The following ZNF827 variants were observed in gnomAD, a reference collection of about 807,000 sequenced individuals.
ZNF827 encodes zinc finger protein 827.
In ZNF827, 13 loss-of-function variants were observed where a neutral mutation model predicts 102.4. That is an observed-to-expected ratio of 0.13 (90% CI 0.08 to 0.20). The LOEUF (loss-of-function observed/expected upper bound fraction) is 0.20. Ranked by LOEUF, ZNF827 falls within the 10% of genes least tolerant of loss-of-function variation. ZNF827 has a pLI of 1.00. For missense variants in ZNF827, 1,103 were observed against 1,344.4 expected, an observed-to-expected ratio of 0.82 and a Z score of 2.81; for synonymous variants, 523 against 536.2, an observed-to-expected ratio of 0.98 and a Z score of 0.34.
chr4:145,919,202 G>A (rs1368138668), intron 1 of ZNF827, among the ~76,000 whole-genome samples: 1 of 152,166 alleles, frequency 6.6e-6, no homozygotes, highest in African/African-American at 2.4e-5. Flanking sequence ...TGCAGCTGAT[G>A]ATCACACAAC....
chr4:145,861,023 C>T (rs1188877047), intron 5 of ZNF827, among the ~76,000 whole-genome samples: 17 of 152,224 alleles, frequency 1.1e-4, no homozygotes, highest in Admixed American at 1.1e-3. Flanking sequence ...CAGTAGAGCC[C>T]TTGCCCAGTG....
chr4:145,774,373 G>T, intron 11 of ZNF827, 133 bp downstream of exon 11: 1 of 995,320 alleles, frequency 1.0e-6, no homozygotes, highest in Non-Finnish European at 1.5e-6. Context: ...TTCATGCCTT[G>T]GGAAAGTCCT....
chr4:145,827,990 T>G (rs919037594), intron 7 of ZNF827, among the ~76,000 whole-genome samples: 7 of 151,966 alleles, frequency 4.6e-5, no homozygotes, highest in Non-Finnish European at 1.0e-4. Context: ...CAGTAAGGGG[T>G]GGTGAGGCTG....
At chr4:145,778,004 C>T (rs1463813766) in intron 9 of ZNF827, among the ~76,000 whole-genome samples, 1 of 152,068 alleles carries the variant, frequency 6.6e-6, no homozygotes, top group African/African-American at 2.4e-5. Context: ...TTATAAAACT[C>T]CACTTTTTTG....
intron 1 of ZNF827, among the ~76,000 whole-genome samples, chr4:145,937,763 C>T (rs1162914280): frequency 6.7e-6 from 1 of 148,478 alleles, no homozygotes. Context: ...CCGCTGCCGC[C>T]GGCGGCTCGG....
At chr4:145,807,617 G>A (rs1189316298) in intron 8 of ZNF827, among the ~76,000 whole-genome samples, 9 of 151,402 alleles carry the variant, frequency 5.9e-5, no homozygotes, top group Non-Finnish European at 1.5e-5. Flanking sequence ...GATTACAGGC[G>A]CCCACCACCA....
chr4:145,867,673 G>A (rs925136), intron 5 of ZNF827, among the ~76,000 whole-genome samples: 28,800 of 152,062 alleles, frequency 0.19, 3,246 homozygotes, highest in East Asian at 0.43. Flanking sequence ...GCATAACTAA[G>A]TATCCTCAAC....
intron 1 of ZNF827, among the ~76,000 whole-genome samples, chr4:145,921,689 A>G (rs1753078646): frequency 6.6e-6 from 1 of 152,178 alleles, no homozygotes; most frequent in Non-Finnish European, 1.5e-5. Context: ...TTTCTGTCTC[A>G]GATGAGTGGG....
intron 1 of ZNF827, among the ~76,000 whole-genome samples, chr4:145,909,753 T>A (rs769330469): frequency 6.6e-6 from 1 of 152,178 alleles, no homozygotes; most frequent in African/African-American, 2.4e-5. Context: ...ATAAAACACA[T>A]CCGCATTTAG....
intron 3 of ZNF827, 85 bp downstream of exon 3, chr4:145,892,158 G>A (rs1424305298): frequency 8.0e-6 from 11 of 1,379,364 alleles, no homozygotes; most frequent in Non-Finnish European, 1.1e-5. Flanking sequence ...CCCTCCCTCG[G>A]CCAAGAAGCC....
At chr4:145,824,698 C>T (rs749814440) in intron 7 of ZNF827, among the ~76,000 whole-genome samples, 1 of 152,100 alleles carries the variant, frequency 6.6e-6, no homozygotes, top group African/African-American at 2.4e-5. Flanking sequence ...GGCAGGGAAA[C>T]GCAGCCAGGA....
intron 8 of ZNF827, among the ~76,000 whole-genome samples, chr4:145,813,923 G>C (rs549664109): frequency 6.6e-6 from 1 of 152,186 alleles, no homozygotes; most frequent in Non-Finnish European, 1.5e-5. Context: ...AGGAGGGATC[G>C]ATGTAGAAGG....
intron 7 of ZNF827, among the ~76,000 whole-genome samples, chr4:145,842,880 A>C (rs1447338375): frequency 1.3e-5 from 2 of 152,250 alleles, no homozygotes; most frequent in Non-Finnish European, 2.9e-5. Flanking sequence ...CACAGAAGAT[A>C]TGATTACTAA....
chr4:145,799,998 T>G (rs577807857), intron 8 of ZNF827, among the ~76,000 whole-genome samples: 1 of 142,636 alleles, frequency 7.0e-6, no homozygotes, highest in South Asian at 2.2e-4. Flanking sequence ...ATTGCTATTT[T>G]GGCCTTTTTT....
In ZNF827 at chr4:145,902,042, G is replaced by C; in HGVS notation, c.1093+124C>G. The C allele has an allele frequency of 8.0e-7, 1 of 1,253,560 alleles. No individual in the cohort carries two copies. Among genetic ancestry groups the C allele is most frequent in the Non-Finnish European group, 1.1e-6 (1 of 921,950 alleles). The allele number at this position is 1,253,560 out of a possible 1,614,324, so 77.7% of individuals were successfully genotyped here. On this transcript the variant is annotated intron_variant, in intron 2 of 14. Transcript: ENST00000508784. The surrounding 1 kb of genome is among the most constrained non-coding windows in gnomAD (Gnocchi z 4.3). The stretch of plus-strand genomic sequence containing the variant: ...TGCTTACTTAAAGTATTTTTGTTGT[G>C]CTCTTGCTTTTTTATTCCTGCCTCA...
At chr4:145,828,908 C>G (rs1383358955) in intron 7 of ZNF827, among the ~76,000 whole-genome samples, 2 of 152,126 alleles carry the variant, frequency 1.3e-5, no homozygotes, top group Non-Finnish European at 2.9e-5. Context: ...CCAGTATTTC[C>G]ACCTTTAACA....
chr4:145,865,340 G>A (rs1041135645), intron 5 of ZNF827, among the ~76,000 whole-genome samples: 1 of 152,312 alleles, frequency 6.6e-6, no homozygotes, highest in South Asian at 2.1e-4. Context: ...ATTTAATAGA[G>A]CTTTGTTCTC....
Position 145,765,104 on chromosome 4 carries a change from C to T in ZNF827, c.3114G>A (p.Leu1038=), listed in dbSNP as rs1417752910. ...ACATCCGGGTGATGAGGTGTATCTG[C>T]AGATGACGCTCAAACATGTTCTTCG... is the stretch of plus-strand genomic sequence containing the variant. ...CKTKNMFERH[L]QIHLITRMFE... Residue 1038 remains leucine (L), a synonymous_variant, in exon 13 of 15, where the codon CTG becomes CTA. Transcript: ENST00000508784. This position sits in a 1 kb window ranked among gnomAD's most constrained non-coding sequence, Gnocchi z 4.7. 1 of 1,614,122 alleles carries T rather than the reference C, an allele frequency of 6.2e-7. No individual in the cohort carries two copies. The highest frequency in any genetic ancestry group is 1.3e-5 in the African/African-American group (1 of 75,052).
chr4:145,913,347 G>A (rs947956385), intron 1 of ZNF827, among the ~76,000 whole-genome samples: 8 of 144,906 alleles, frequency 5.5e-5, no homozygotes, highest in African/African-American at 2.1e-4. Flanking sequence ...GATAACTTGA[G>A]TCCAGGAAGC....
Sources: gnomAD v4.1 joint callset for allele counts (sites outside exome capture counted in the v4.1 genomes callset) on GRCh38, gnomAD v4.1.1 for gene constraint, Gnocchi (gnomAD v3.1) non-coding constraint, MANE v1.5 for transcripts, NCBI Gene and HGNC (gene_info 2026-07-23, HGNC 2026-07-21) for gene names.